TANC2: variants seen among roughly 807,000 people sequenced by gnomAD.
TANC2 encodes the protein protein TANC2.
TANC2 carries 26 observed loss-of-function variants against 210.5 expected under a neutral mutation model. The ratio of observed to expected loss-of-function variants is 0.12; its 90% CI spans 0.09 to 0.17. The LOEUF is 0.17. Among genes scored for constraint, TANC2 ranks in the 10% least tolerant of loss-of-function variants. The pLI is 1.00. For missense variants in TANC2, 2,129 were observed against 2,608.9 expected, an observed-to-expected ratio of 0.82 and a Z score of 4.01; for synonymous variants, 931 against 967.1, an observed-to-expected ratio of 0.96 and a Z score of 0.69.
intron 15 of TANC2, among the ~76,000 whole-genome samples, chr17:63,381,829 T>C (rs1324075052): frequency 2.0e-5 from 3 of 152,210 alleles, no homozygotes; most frequent in African/African-American, 7.2e-5. Flanking sequence ...TAAACAGTTT[T>C]GTAAATTTAG....
At chr17:63,290,825 C>G (rs945397661) in intron 9 of TANC2, among the ~76,000 whole-genome samples, 1 of 152,006 alleles carries the variant, frequency 6.6e-6, no homozygotes, top group Non-Finnish European at 1.5e-5. Flanking sequence ...AGAAGGTAAC[C>G]GTCTTGGTAG....
Position 63,297,972 on chromosome 17 carries a change from A to G in TANC2, c.1160-16416A>G, listed in dbSNP as rs570302705. Among the ~76,000 whole-genome samples the G allele has an allele frequency of 3.9e-5, 6 of 152,310 alleles. No individual in the cohort carries two copies. The East Asian group carries it at 1.2e-3, about 29-fold the overall frequency. On this transcript the variant is annotated intron_variant, in intron 9 of 27. Coordinates refer to ENST00000689528, the Ensembl canonical transcript of TANC2. ...GAAAAGATGTTCAACATCATCAGTC[A>G]TTAGGGAATGCAAATTAAAATCACA...
At chr17:63,298,381 T>C (rs949957724) in intron 9 of TANC2, among the ~76,000 whole-genome samples, 3 of 152,228 alleles carry the variant, frequency 2.0e-5, no homozygotes, top group Admixed American at 6.5e-5. Flanking sequence ...AGGAATGAAG[T>C]ACTGATACAA....
chr17:63,355,803 T>C (rs1340260056), intron 14 of TANC2, among the ~76,000 whole-genome samples: 2 of 152,192 alleles, frequency 1.3e-5, no homozygotes, highest in Non-Finnish European at 2.9e-5. Context: ...TATAAAACCT[T>C]ATCATTTTTA....
intron 12 of TANC2, among the ~76,000 whole-genome samples, chr17:63,343,179 G>C (rs190502349): frequency 0.024 from 3,206 of 135,216 alleles, 105 homozygotes; most frequent in African/African-American, 0.11. Flanking sequence ...GGTAGAAACT[G>C]TCAGACTGGA....
intron 9 of TANC2, among the ~76,000 whole-genome samples, chr17:63,304,774 T>A (rs2044841551): frequency 6.6e-6 from 1 of 151,986 alleles, no homozygotes; most frequent in Non-Finnish European, 1.5e-5. Context: ...TATCCCTGAG[T>A]CCCTGGCTGG....
At chr17:63,270,020 C>T (rs1006453660) in intron 9 of TANC2, among the ~76,000 whole-genome samples, 1 of 152,056 alleles carries the variant, frequency 6.6e-6, no homozygotes, top group Non-Finnish European at 1.5e-5. Context: ...ATTTCAGTTC[C>T]TTGAAGTCAT....
At chr17:63,332,994 C>G (rs1394493959) in intron 11 of TANC2, among the ~76,000 whole-genome samples, 1 of 152,190 alleles carries the variant, frequency 6.6e-6, no homozygotes, top group Admixed American at 6.5e-5. Context: ...TTTCAAAATA[C>G]TACTCCTCAT....
At chr17:63,023,605 C>CT (rs1018207934) in intron 2 of TANC2, among the ~76,000 whole-genome samples, 1 of 152,092 alleles carries the variant, frequency 6.6e-6, no homozygotes, top group Non-Finnish European at 1.5e-5. Flanking sequence ...TGCTTCTCTC[C>CT]TTTTTGGCGT....
intron 27 of TANC2, among the ~76,000 whole-genome samples, chr17:63,419,089 C>T (rs2048948735): frequency 6.6e-6 from 1 of 152,256 alleles, no homozygotes; most frequent in African/African-American, 2.4e-5. Context: ...TAACTTGTCA[C>T]TGTCTCTTAT....
At chr17:63,257,248 A>G (rs1374526610) in intron 8 of TANC2, among the ~76,000 whole-genome samples, 1 of 151,334 alleles carries the variant, frequency 6.6e-6, no homozygotes, top group East Asian at 1.9e-4. Flanking sequence ...CCTTGTTGTG[A>G]ACGTGATTTT....
chr17:63,393,915 C>T (rs1337184865), intron 17 of TANC2, among the ~76,000 whole-genome samples: 4 of 151,936 alleles, frequency 2.6e-5, no homozygotes, highest in African/African-American at 9.7e-5. Flanking sequence ...GGATTACAGG[C>T]ACCCACCACC....
intron 7 of TANC2, among the ~76,000 whole-genome samples, chr17:63,215,310 C>A (rs1205176734): frequency 6.6e-6 from 1 of 152,160 alleles, no homozygotes; most frequent in Non-Finnish European, 1.5e-5. Flanking sequence ...TTGACCTAAT[C>A]GTCTTTTATT....
At chr17:63,395,005 C>A (rs543486011) in intron 17 of TANC2, among the ~76,000 whole-genome samples, 9 of 152,356 alleles carry the variant, frequency 5.9e-5, no homozygotes, top group African/African-American at 2.2e-4. Flanking sequence ...TTCAACTGAT[C>A]TAACTACCGC....
intron 2 of TANC2, among the ~76,000 whole-genome samples, chr17:63,066,890 G>T (rs955986544): frequency 2.6e-5 from 4 of 152,100 alleles, no homozygotes. Flanking sequence ...TGAAAAGATT[G>T]CTGTGAGGGG....
At chr17:63,178,968 A>C (rs2040685241) in intron 5 of TANC2, among the ~76,000 whole-genome samples, 2 of 152,166 alleles carry the variant, frequency 1.3e-5, no homozygotes, top group South Asian at 4.1e-4. Context: ...ACTTTTTTCA[A>C]ATGTTGTAAA....
Position 63,421,715 on chromosome 17 carries a change from T to C in TANC2, c.5985T>C (p.Asn1995=), listed in dbSNP as rs1191650567. Residue 1995 remains asparagine (N), a synonymous_variant, in exon 28 of 28, where the codon AAT becomes AAC. Transcript: ENST00000689528. This position sits in a 1 kb window ranked among gnomAD's most constrained non-coding sequence, Gnocchi z 6.9. ...ATAACAAAACCAACAATGCACAGAA[T>C]GGCCATTTGCTGGAGGACGATTATT... 2.5e-6 allele frequency: 4 copies of C among 1,613,924 alleles called. No homozygotes were observed. The East Asian group carries it at 8.9e-5, about 36-fold the overall frequency.
rs1014851782 is a variant in TANC2 at position 62,969,251 on chromosome 17, T to A, written c.-24+2502T>A. 2.0e-4 allele frequency among the ~76,000 whole-genome samples: 31 copies of A among 152,250 alleles called. 1 individual carries two copies. The highest frequency in any genetic ancestry group is 2.0e-3 in the Admixed American group (31 of 15,286). ...CCTATGAGGTATGTGTTGTTATTTC[T>A]GTTTTACAGATGAGAATCTGAAACA... On this transcript the variant is annotated intron_variant, in intron 1 of 27. Transcript: ENST00000689528.
At chr17:63,385,183 CT>C (rs2047738740) in intron 15 of TANC2, among the ~76,000 whole-genome samples, 2 of 152,046 alleles carry the variant, frequency 1.3e-5, no homozygotes, top group African/African-American at 4.8e-5. Context: ...GATTTCCTGC[CT>C]TTTTTTCCTT....
Sources: gnomAD v4.1 joint callset for allele counts (sites outside exome capture counted in the v4.1 genomes callset) on GRCh38, gnomAD v4.1.1 for gene constraint, Gnocchi (gnomAD v3.1) non-coding constraint, MANE v1.5 for transcripts, NCBI Gene and HGNC (gene_info 2026-07-23, HGNC 2026-07-21) for gene names.